GPR89B: variants seen among roughly 807,000 people sequenced by gnomAD.
GPR89B encodes the protein G protein-coupled receptor 89B.
Under a neutral mutation model 52.4 loss-of-function variants are expected in GPR89B, and 25 were observed. That is an observed-to-expected ratio of 0.48 (90% CI 0.35 to 0.67). The LOEUF (loss-of-function observed/expected upper bound fraction) is 0.67. Ranked by LOEUF, GPR89B falls within the 30% of genes least tolerant of loss-of-function variation. The pLI is 0.01. For synonymous variants in GPR89B, 52 were observed against 151.2 expected (o/e 0.34, Z 4.81); for missense variants, 146 against 450.2 (o/e 0.32, Z 6.11).
rs1273486223 is a variant in GPR89B at position 147,977,718 on chromosome 1, G to A, written c.909+7759G>A. 2.0e-5 allele frequency among the ~76,000 whole-genome samples: 3 copies of A among 148,928 alleles called. No homozygotes were observed. In the Admixed American group the frequency reaches 2.0e-4, roughly 10 times the overall value. ...CTTTTTTCTCTCACCTTGTCTGCCT[G>A]TCTTATTTCAGCAAGATAGTCTTCA... On this transcript the variant is annotated intron_variant, in intron 10 of 13. Coordinates refer to ENST00000314163, the MANE Select transcript of GPR89B (RefSeq NM_016334.5).
chr1:147,957,759 G>A (rs1379164339), intron 7 of GPR89B, among the ~76,000 whole-genome samples: 3 of 151,932 alleles, frequency 2.0e-5, no homozygotes, highest in Non-Finnish European at 4.4e-5. Context: ...AAGCCTTAAT[G>A]TAAGAGATAA....
Position 147,992,576 on chromosome 1 carries a change from A to C in GPR89B, c.1161+9A>C. 6.2e-7 allele frequency: 1 copy of C among 1,611,662 alleles called. No homozygotes were observed. On this transcript the variant is annotated intron_variant, in intron 13 of 13. Coordinates refer to ENST00000314163, the MANE Select transcript of GPR89B (RefSeq NM_016334.5). ...TATTAGCACAGATAATGGTAAGTTT[A>C]ATTAGTTACCTTTATGTTGACAGCT...
the GPR89B span, chr1:148,005,483 T>C: frequency 1.2e-6 from 2 of 1,605,292 alleles, no homozygotes; most frequent in Non-Finnish European, 8.5e-7. Context: ...TGAGGTGTAA[T>C]ATCAGTCATG....
chr1:148,023,268 G>T, the GPR89B span, among the ~76,000 whole-genome samples: 1 of 145,828 alleles, frequency 6.9e-6, no homozygotes, highest in Non-Finnish European at 1.5e-5. Flanking sequence ...CAAAAGACAT[G>T]ATTTCATTCT....
At chr1:147,994,446 G>C, downstream of GPR89B, 1 of 650,228 alleles carries the variant, frequency 1.5e-6, no homozygotes, top group Non-Finnish European at 2.7e-6. Flanking sequence ...TCGGGGAGTA[G>C]AGTCACTCAC....
the GPR89B span, among the ~76,000 whole-genome samples, chr1:148,002,038 C>CCTTT: frequency 4.6e-5 from 6 of 130,048 alleles, no homozygotes; most frequent in African/African-American, 1.5e-4. Flanking sequence ...CCAGATGCTG[C>CCTTT]TTTTTTTTTT....
chr1:147,936,045 TCTCA>T (rs1231967305), intron 1 of GPR89B, among the ~76,000 whole-genome samples: 9 of 152,250 alleles, frequency 5.9e-5, no homozygotes, highest in Non-Finnish European at 1.3e-4. Context: ...CGAGACCTAG[TCTCA>T]CTCTATCACC....
chr1:147,934,463 C>G (rs1186277132), intron 1 of GPR89B, among the ~76,000 whole-genome samples: 1 of 152,168 alleles, frequency 6.6e-6, no homozygotes, highest in African/African-American at 2.4e-5. Flanking sequence ...CATGTCCAGC[C>G]TCCCTACTTG....
At chr1:147,958,115 T>G (rs1454258184) in intron 7 of GPR89B, among the ~76,000 whole-genome samples, 1 of 152,076 alleles carries the variant, frequency 6.6e-6, no homozygotes, top group African/African-American at 2.4e-5. Context: ...CACTGACTAA[T>G]TATTTGTCTC....
Position 147,974,930 on chromosome 1 carries a change from A to G in GPR89B, c.909+4971A>G, listed in dbSNP as rs1294399829. Among the ~76,000 whole-genome samples, 419 of 151,142 alleles carry G rather than the reference A, an allele frequency of 2.8e-3. 7 individuals carry two copies. Among genetic ancestry groups the G allele is most frequent in the East Asian group, 3.5e-3 (18 of 5,126 alleles). On this transcript the variant is annotated intron_variant, in intron 10 of 13. Transcript: ENST00000314163. ...CTTTTCTGTGTCTATTGAGATAATC[A>G]TGTGGTTTTTGTCATTGGTTCTGTT...
chr1:147,987,389 A>G (rs1658744796), intron 11 of GPR89B, among the ~76,000 whole-genome samples: 1 of 149,682 alleles, frequency 6.7e-6, no homozygotes, highest in African/African-American at 2.5e-5. Flanking sequence ...ACATGGTGGC[A>G]TGCACCTGTA....
At chr1:148,024,922 C>T in the GPR89B span, among the ~76,000 whole-genome samples, 12 of 151,980 alleles carry the variant, frequency 7.9e-5, no homozygotes, top group Admixed American at 3.9e-4. Context: ...AAACACCATC[C>T]TTCCGTATGC....
chr1:148,015,207 G>GT, the GPR89B span, among the ~76,000 whole-genome samples: 2 of 143,642 alleles, frequency 1.4e-5, no homozygotes, highest in Non-Finnish European at 3.0e-5. Context: ...TCATGGAATG[G>GT]CAGAGCAAGA....
intron 11 of GPR89B, among the ~76,000 whole-genome samples, chr1:147,988,077 G>A (rs1287584233): frequency 6.6e-6 from 1 of 151,936 alleles, no homozygotes; most frequent in Non-Finnish European, 1.5e-5. Flanking sequence ...TTGCTGCCGG[G>A]CATGGTGACT....
rs782371724 is a variant in GPR89B, at chr1:147,928,573, T to A, written c.37T>A (p.Ser13Thr). 1 of 1,613,854 alleles carries A rather than the reference T, an allele frequency of 6.2e-7. No homozygotes were observed. Among genetic ancestry groups the A allele is most frequent in the Non-Finnish European group, 8.5e-7 (1 of 1,179,782 alleles). ...GATCGACTCCAGCATCATGATTACC[T>A]CCCAGGTGAGTCACCGCCTCCCGCC... Reference protein sequence around the residue: ...FLIDSSIMITSQILFFGFGWL... With the variant: ...FLIDSSIMITTQILFFGFGWL... The change falls in exon 1 of 14, where the codon TCC (serine) becomes ACC (threonine). Residue 13 changes from serine to threonine, a missense_variant. Physicochemically the swap from Ser to Thr is moderately conservative, Grantham distance 58. Coordinates refer to ENST00000314163, the MANE Select transcript of GPR89B (RefSeq NM_016334.5).
intron 10 of GPR89B, among the ~76,000 whole-genome samples, chr1:147,978,277 G>A (rs1308293943): frequency 2.0e-5 from 3 of 151,888 alleles, no homozygotes; most frequent in Non-Finnish European, 4.4e-5. Context: ...GTTGGGGGTC[G>A]AATCCATACC....
the GPR89B span, among the ~76,000 whole-genome samples, chr1:148,001,938 C>G: frequency 2.0e-5 from 3 of 151,784 alleles, no homozygotes; most frequent in Admixed American, 2.0e-4. Flanking sequence ...GAAACCCATG[C>G]TGGCATTTTA....
Position 147,992,979 on chromosome 1 carries a change from G to GA in GPR89B, c.*67dup, listed in dbSNP as rs1230034820. 2.3e-3 allele frequency: 3,090 copies of GA among 1,344,844 alleles called. 54 individuals carry two copies. The African/African-American group carries it at 0.041, about 18-fold the overall frequency. 83.3% of individuals were successfully genotyped at this position (1,344,844 alleles called of 1,614,324 possible). On this transcript the variant is annotated 3_prime_UTR_variant, in exon 14 of 14. Coordinates refer to ENST00000314163, the MANE Select transcript of GPR89B (RefSeq NM_016334.5). ...TTCAAAATTTAGATATAAGAGGGGGGAAAAATGGAACCAGGGCCTGACATT... is the reference window on the plus strand; with the variant it reads ...TTCAAAATTTAGATATAAGAGGGGGGAAAAAATGGAACCAGGGCCTGACATT...
chr1:148,008,355 C>T, the GPR89B span, among the ~76,000 whole-genome samples: 4 of 152,104 alleles, frequency 2.6e-5, no homozygotes, highest in East Asian at 1.9e-4. Context: ...TAATAGGCTT[C>T]TAAGACGTGC....
Sources: gnomAD v4.1 joint callset for allele counts (sites outside exome capture counted in the v4.1 genomes callset) on GRCh38, gnomAD v4.1.1 for gene constraint, MANE v1.5 for transcripts, NCBI Gene and HGNC (gene_info 2026-07-23, HGNC 2026-07-21) for gene names.